Variants in ZNF268 observed in about 807,000 individuals in gnomAD.
ZNF268 encodes zinc finger protein 3.
Under a neutral mutation model 29.3 loss-of-function variants are expected in ZNF268, and 20 were observed. That is an observed-to-expected ratio of 0.68 (90% CI 0.48 to 0.99). The LOEUF is 0.99. Ranked by LOEUF, ZNF268 falls within the 50% of genes least tolerant of loss-of-function variation. The probability of loss-of-function intolerance (pLI) is 0.00; values close to 1 mark genes in which losing one functional copy is unlikely to be tolerated. For missense variants in ZNF268, 1,240 were observed against 1,121.6 expected (o/e 1.11, Z -1.51); for synonymous variants, 429 against 376.9 (o/e 1.14, Z -1.60).
chr12:133,203,526 T>C lies in ZNF268; in HGVS notation c.1840T>C (p.Cys614Arg). The C allele has an allele frequency of 4.5e-6, 7 of 1,548,154 alleles. No individual in the cohort carries two copies. The highest frequency in any genetic ancestry group is 6.1e-6 in the Non-Finnish European group (7 of 1,150,406). ...RTHTGEKPFE[C>R]SECQKAFNTK... Reference sequence around the variant, plus strand: ...TCATACAGGGGAGAAACCATTTGAATGTAGTGAGTGTCAGAAAGCCTTTAA... The same window carrying C: ...TCATACAGGGGAGAAACCATTTGAACGTAGTGAGTGTCAGAAAGCCTTTAA... Residue 614 changes from cysteine to arginine, a missense_variant, in exon 6 of 6, where the codon TGT (cysteine) becomes CGT (arginine). Physicochemically the swap from Cys to Arg is radical, Grantham distance 180. Transcript: ENST00000536435.
chr12:133,199,828 T>C (rs1262624468), intron 5 of ZNF268, among the ~76,000 whole-genome samples: 1 of 152,158 alleles, frequency 6.6e-6, no homozygotes, highest in Non-Finnish European at 1.5e-5. Context: ...TGCATAGAGG[T>C]GTTTGTAGCA....
At chr12:133,195,262 A>C (rs1956566212) in intron 5 of ZNF268, among the ~76,000 whole-genome samples, 1 of 152,240 alleles carries the variant, frequency 6.6e-6, no homozygotes, top group South Asian at 2.1e-4. Context: ...CTGTAGCTTC[A>C]GAATCTCAAT....
intron 3 of ZNF268, among the ~76,000 whole-genome samples, chr12:133,190,088 G>A (rs538231174): frequency 1.7e-4 from 26 of 152,332 alleles, no homozygotes; most frequent in East Asian, 1.3e-3. Flanking sequence ...GGTTACAGGC[G>A]TGAGCCATGG....
chr12:133,184,900 T>C, intron 2 of ZNF268: 1 of 300,720 alleles, frequency 3.3e-6, no homozygotes, highest in South Asian at 2.5e-5. Flanking sequence ...TTAGTGGTGA[T>C]GGGCTGTGTG....
In ZNF268 at chr12:133,213,988, CA is replaced by C. The variant is rs373025293; in HGVS notation, c.*9470del. ...TGGGCGACAGAGCGAGACTCCGTCT[CA>C]AAAAAAAAAAAGGTGAATATAGGAG... On this transcript the variant is annotated 3_prime_UTR_variant, in exon 6 of 6. Coordinates refer to ENST00000536435, the MANE Select transcript of ZNF268 (RefSeq NM_003415.3). 96,662 of 146,246 alleles carry C rather than the reference CA, an allele frequency of 0.66. 31,691 individuals are homozygous for C. The highest frequency in any genetic ancestry group is 0.91 in the East Asian group (4,531 of 4,968). The allele number at this position is 146,246 out of a possible 1,614,324, so 9.1% of individuals were successfully genotyped here.
In ZNF268 at chr12:133,196,752, C is replaced by G. The variant is rs553292987; in HGVS notation, c.457+4749C>G. Among the ~76,000 whole-genome samples the G allele has an allele frequency of 2.0e-5, 3 of 152,250 alleles. No homozygotes were observed. In the East Asian group the frequency reaches 5.8e-4, roughly 29 times the overall value. ...TTAATAATATCACTCCTTCTCAAAC[C>G]ATTGTGAAAACCGAAAGTGCTCATA... On this transcript the variant is annotated intron_variant, in intron 5 of 5. Transcript: ENST00000536435.
intron 5 of ZNF268, among the ~76,000 whole-genome samples, chr12:133,195,752 C>G (rs1956576667): frequency 6.6e-6 from 1 of 151,766 alleles, no homozygotes; most frequent in African/African-American, 2.4e-5. Context: ...GAGTCTCGCT[C>G]TGTTGCCTAG....
chr12:133,202,055 G>GTGAC, intron 5 of ZNF268, 89 bp from the exon 6 acceptor site: 2 of 1,068,018 alleles, frequency 1.9e-6, no homozygotes, highest in Non-Finnish European at 2.6e-6. Flanking sequence ...TTTATAACAT[G>GTGAC]TGACTAATTG....
rs189294290 is a variant in ZNF268, at chr12:133,211,442, G to A, written c.*6912G>A. ...ACTAAAAATACAAAATTAGCCAGGC[G>A]TGGTGGCGCTACTCTGCCACCAAGT... On this transcript the variant is annotated 3_prime_UTR_variant, in exon 6 of 6. Coordinates refer to ENST00000536435, the MANE Select transcript of ZNF268 (RefSeq NM_003415.3). 136 of 194,746 alleles carry A rather than the reference G, an allele frequency of 7.0e-4. 2 individuals carry two copies. The East Asian group carries it at 0.012, about 17-fold the overall frequency. The allele number at this position is 194,746 out of a possible 1,614,324, so 12.1% of individuals were successfully genotyped here. A position where few individuals can be genotyped will look rare whatever the true frequency, so the allele number is the denominator to read the frequency against.
In ZNF268 at chr12:133,205,977, A is replaced by G. The variant is rs913703283; in HGVS notation, c.*1447A>G. 6 of 152,228 alleles carry G rather than the reference A, an allele frequency of 3.9e-5. No homozygotes were observed. Among genetic ancestry groups the G allele is most frequent in the Non-Finnish European group, 7.3e-5 (5 of 68,042 alleles). 9.4% of individuals were successfully genotyped at this position (152,228 alleles called of 1,614,324 possible). On this transcript the variant is annotated 3_prime_UTR_variant, in exon 6 of 6. Coordinates refer to ENST00000536435, the MANE Select transcript of ZNF268 (RefSeq NM_003415.3). ...TGATGTAATAAGTAGCTATTTCAAT[A>G]GAGGTTCCCAGAACAGCTTTTGTTA...
intron 5 of ZNF268, among the ~76,000 whole-genome samples, chr12:133,195,274 C>T (rs1438169505): frequency 2.0e-5 from 3 of 152,206 alleles, no homozygotes; most frequent in African/African-American, 7.2e-5. Context: ...AATCTCAATT[C>T]TCTTGGTGTA....
At chr12:133,200,966 A>T (rs924558987) in intron 5 of ZNF268, among the ~76,000 whole-genome samples, 2 of 151,964 alleles carry the variant, frequency 1.3e-5, no homozygotes, top group Admixed American at 6.6e-5. Flanking sequence ...TCATGTTCCC[A>T]TGCCTCCATC....
In ZNF268 at chr12:133,205,693, T is replaced by A. The variant is rs933034183; in HGVS notation, c.*1163T>A. The stretch of plus-strand genomic sequence containing the variant: ...GAAGCAGTCTTGGCAGCAACCTCTT[T>A]AGTAATCAATATAAGGCACACTTCA... On this transcript the variant is annotated 3_prime_UTR_variant, in exon 6 of 6. Transcript: ENST00000536435. The A allele has an allele frequency of 6.6e-6, 1 of 152,230 alleles. No individual in the cohort carries two copies. The highest frequency in any genetic ancestry group is 1.5e-5 in the Non-Finnish European group (1 of 68,032). 9.4% of individuals were successfully genotyped at this position (152,230 alleles called of 1,614,324 possible).
intron 2 of ZNF268, among the ~76,000 whole-genome samples, chr12:133,182,881 G>C (rs1054775634): frequency 6.6e-6 from 1 of 152,132 alleles, no homozygotes; most frequent in Admixed American, 6.5e-5. Context: ...TAAAAACTTG[G>C]ATTGTATCAC....
intron 2 of ZNF268, among the ~76,000 whole-genome samples, chr12:133,183,601 T>C (rs1956230740): frequency 6.6e-6 from 1 of 152,102 alleles, no homozygotes; most frequent in Non-Finnish European, 1.5e-5. Flanking sequence ...GGATGACAAC[T>C]GGAGTTCTAC....
At chr12:133,186,823 C>G (rs1054057190) in intron 2 of ZNF268, among the ~76,000 whole-genome samples, 1 of 152,192 alleles carries the variant, frequency 6.6e-6, no homozygotes, top group African/African-American at 2.4e-5. Flanking sequence ...AAGCCAGACA[C>G]AAAAGACTAG....
In ZNF268 at chr12:133,207,445, G is replaced by A. The variant is rs1259767790; in HGVS notation, c.*2915G>A. 6.6e-6 allele frequency: 1 copy of A among 152,180 alleles called. No homozygotes were observed. The highest frequency in any genetic ancestry group is 6.5e-5 in the Admixed American group (1 of 15,276). 9.4% of individuals were successfully genotyped at this position (152,180 alleles called of 1,614,324 possible). ...ATATTAGGTTTAACAGACTATTAGT[G>A]GATCCAGCATCCTTTGTTCATTACC... On this transcript the variant is annotated 3_prime_UTR_variant, in exon 6 of 6. Transcript: ENST00000536435.
At chr12:133,191,351 T>A (rs1177632347) in intron 3 of ZNF268, 138 bp from the exon 4 acceptor site, 1 of 913,378 alleles carries the variant, frequency 1.1e-6, no homozygotes, top group Admixed American at 2.7e-5. Flanking sequence ...GATGACTGAT[T>A]TAATGCACAT....
intron 3 of ZNF268, among the ~76,000 whole-genome samples, chr12:133,189,989 T>A (rs1327159960): frequency 7.5e-6 from 1 of 133,960 alleles, no homozygotes; most frequent in Non-Finnish European, 1.6e-5. Flanking sequence ...TTTGTATTTT[T>A]AGTAGAGACG....
Sources: allele counts gnomAD v4.1 joint callset (sites outside exome capture counted in the v4.1 genomes callset), GRCh38; gene constraint gnomAD v4.1.1; transcripts MANE v1.5; gene names NCBI Gene and HGNC (gene_info 2026-07-23, HGNC 2026-07-21).